The following ALCAM variants were observed in gnomAD, a reference collection of about 807,000 sequenced individuals.
The protein encoded by ALCAM is CD166 antigen.
Under a neutral mutation model 70.9 loss-of-function variants are expected in ALCAM, and 30 were observed. The observed-to-expected ratio is 0.42, with a 90% confidence interval of 0.32 to 0.57. ALCAM has a LOEUF of 0.57. Among genes scored for constraint, ALCAM ranks in the 20% least tolerant of loss-of-function variants. ALCAM has a pLI of 0.11. For synonymous variants in ALCAM, 249 were observed against 242.5 expected (o/e 1.03, Z -0.25); for missense variants, 591 against 695.1 (o/e 0.85, Z 1.68).
intron 1 of ALCAM, among the ~76,000 whole-genome samples, chr3:105,424,928 A>G (rs186279731): frequency 2.0e-5 from 3 of 151,860 alleles, no homozygotes; most frequent in Non-Finnish European, 2.9e-5. Context: ...AATACATGCT[A>G]TGTGTCTGCC....
At chr3:105,485,021 G>A (rs1055241849) in intron 1 of ALCAM, among the ~76,000 whole-genome samples, 1 of 151,912 alleles carries the variant, frequency 6.6e-6, no homozygotes, top group East Asian at 1.9e-4. Flanking sequence ...ATAAATATTT[G>A]TTCAAAAATT....
At chr3:105,407,743 T>G (rs141050729) in intron 1 of ALCAM, among the ~76,000 whole-genome samples, 1 of 152,156 alleles carries the variant, frequency 6.6e-6, no homozygotes, top group African/African-American at 2.4e-5. Context: ...GAGAAAGAAA[T>G]AAAGGGCATC....
intron 1 of ALCAM, among the ~76,000 whole-genome samples, chr3:105,433,800 G>A (rs1936989772): frequency 6.8e-6 from 1 of 146,716 alleles, no homozygotes; most frequent in African/African-American, 2.5e-5. Context: ...CTGATATACT[G>A]AACACTGGAT....
intron 7 of ALCAM, among the ~76,000 whole-genome samples, chr3:105,540,618 A>G (rs1940093410): frequency 6.6e-6 from 1 of 152,010 alleles, no homozygotes; most frequent in Non-Finnish European, 1.5e-5. Context: ...AATGATATGC[A>G]TAGAGGATAC....
At chr3:105,369,728 A>G (rs2107314236) in intron 1 of ALCAM, among the ~76,000 whole-genome samples, 1 of 152,158 alleles carries the variant, frequency 6.6e-6, no homozygotes, top group Non-Finnish European at 1.5e-5. Context: ...GTGTATGTCC[A>G]GTTGTAGAGG....
intron 1 of ALCAM, among the ~76,000 whole-genome samples, chr3:105,406,106 T>G (rs1291695900): frequency 6.6e-6 from 1 of 152,176 alleles, no homozygotes; most frequent in African/African-American, 2.4e-5. Flanking sequence ...ATCAACTTCT[T>G]TTAATCTGTA....
chr3:105,542,508 T>C (rs1940144859), intron 8 of ALCAM, among the ~76,000 whole-genome samples: 1 of 151,898 alleles, frequency 6.6e-6, no homozygotes, highest in East Asian at 1.9e-4. Context: ...ACACTAGAAT[T>C]CAGAGTGCTT....
At chr3:105,386,458 C>G (rs1296781217) in intron 1 of ALCAM, among the ~76,000 whole-genome samples, 2 of 151,402 alleles carry the variant, frequency 1.3e-5, no homozygotes, top group Non-Finnish European at 3.0e-5. Flanking sequence ...TAAATCCATC[C>G]TCATTGGTTG....
At chr3:105,436,364 A>G (rs1446964270) in intron 1 of ALCAM, among the ~76,000 whole-genome samples, 1 of 151,982 alleles carries the variant, frequency 6.6e-6, no homozygotes, top group Non-Finnish European at 1.5e-5. Flanking sequence ...TATTTTTGAG[A>G]CGGAGTCTCA....
chr3:105,401,798 C>G (rs1053839162), intron 1 of ALCAM, among the ~76,000 whole-genome samples: 4 of 151,952 alleles, frequency 2.6e-5, no homozygotes, highest in African/African-American at 9.7e-5. Flanking sequence ...AAGTAAACTC[C>G]TCTAGACTAG....
At chr3:105,508,916 C>G (rs1399490133) in intron 1 of ALCAM, among the ~76,000 whole-genome samples, 1 of 150,712 alleles carries the variant, frequency 6.6e-6, no homozygotes, top group Non-Finnish European at 1.5e-5. Flanking sequence ...CATCCACTCT[C>G]TGTTTCTGTG....
chr3:105,560,079 A>G (rs979760100), intron 14 of ALCAM, among the ~76,000 whole-genome samples: 9 of 152,170 alleles, frequency 5.9e-5, no homozygotes, highest in African/African-American at 1.7e-4. Flanking sequence ...GTAAAAACCT[A>G]GGAGTGGAAT....
Position 105,370,578 on chromosome 3 carries a change from CTA to C in ALCAM, c.73+3099_73+3100del, listed in dbSNP as rs534312218. Among the ~76,000 whole-genome samples the C allele has an allele frequency of 3.8e-3, 582 of 152,224 alleles. 5 individuals are homozygous for C. Among genetic ancestry groups the C allele is most frequent in the Non-Finnish European group, 6.4e-3 (434 of 68,000 alleles). On this transcript the variant is annotated intron_variant, in intron 1 of 15. Transcript: ENST00000306107. The stretch of plus-strand genomic sequence containing the variant: ...AGGCAGGCAGAGTCATTTTTCAACA[CTA>C]TTTTTCTAAGGATCTCAGTCTAGAC...
intron 1 of ALCAM, among the ~76,000 whole-genome samples, chr3:105,514,978 T>C (rs1454630308): frequency 6.6e-6 from 1 of 151,912 alleles, no homozygotes; most frequent in East Asian, 1.9e-4. Context: ...CAAAATGACA[T>C]TAGATTTCAT....
In ALCAM at chr3:105,552,797, C is replaced by T. The variant is rs988968767; in HGVS notation, c.1664+212C>T. 1.4e-4 allele frequency: 189 copies of T among 1,343,542 alleles called. No individual in the cohort carries two copies. The African/African-American group carries it at 2.4e-3, about 17-fold the overall frequency. 83.2% of individuals were successfully genotyped at this position (1,343,542 alleles called of 1,614,324 possible). A position where few individuals can be genotyped will look rare whatever the true frequency, so the allele number is the denominator to read the frequency against. On this transcript the variant is annotated intron_variant, in intron 14 of 15. Transcript: ENST00000306107. The stretch of plus-strand genomic sequence containing the variant: ...CTTGGGATACTGTTTCACATGTGTC[C>T]GTTTATTTGTCTCAATCAATAGCCT...
At chr3:105,536,951 C>A (rs1457756724) in intron 6 of ALCAM, among the ~76,000 whole-genome samples, 1 of 152,120 alleles carries the variant, frequency 6.6e-6, no homozygotes, top group African/African-American at 2.4e-5. Flanking sequence ...GTGATTGACA[C>A]TCTGCATTTG....
chr3:105,458,573 A>G (rs755800455), intron 1 of ALCAM, among the ~76,000 whole-genome samples: 4 of 152,214 alleles, frequency 2.6e-5, no homozygotes, highest in Non-Finnish European at 5.9e-5. Context: ...AAAAATTTCC[A>G]TGTGTAGTGT....
intron 1 of ALCAM, among the ~76,000 whole-genome samples, chr3:105,411,843 G>A (rs760699123): frequency 6.6e-6 from 1 of 152,018 alleles, no homozygotes; most frequent in Non-Finnish European, 1.5e-5. Context: ...ACAGTCCTCT[G>A]TGTTTAGGAT....
chr3:105,512,078 T>C (rs1398472649), intron 1 of ALCAM, among the ~76,000 whole-genome samples: 2 of 152,042 alleles, frequency 1.3e-5, no homozygotes, highest in African/African-American at 4.8e-5. Flanking sequence ...AAAGTCTTTG[T>C]GATATATTTT....
Sources: gnomAD v4.1 joint callset for allele counts (sites outside exome capture counted in the v4.1 genomes callset) on GRCh38, gnomAD v4.1.1 for gene constraint, MANE v1.5 for transcripts, NCBI Gene and HGNC (gene_info 2026-07-23, HGNC 2026-07-21) for gene names.